Variants in MAP2K6 observed in about 807,000 individuals in gnomAD.
MAP2K6 encodes mitogen-activated protein kinase kinase 6, also known as dual specificity mitogen-activated protein kinase kinase 6.
In MAP2K6, 16 loss-of-function variants were observed where a neutral mutation model predicts 53.7. The ratio of observed to expected loss-of-function variants is 0.30; its 90% CI spans 0.20 to 0.45. The LOEUF (loss-of-function observed/expected upper bound fraction) is 0.45, where lower values mean the gene tolerates loss of function less well. Ranked by LOEUF, MAP2K6 falls within the 20% of genes least tolerant of loss-of-function variation. The pLI, the probability that MAP2K6 is intolerant of heterozygous loss-of-function variation, is 1.00. For missense variants in MAP2K6, 204 were observed against 411.9 expected (o/e 0.50, Z 4.37); for synonymous variants, 132 against 143.1 (o/e 0.92, Z 0.55).
At position 69,505,859 on chromosome 17, in the gene MAP2K6, G is replaced by A; in HGVS notation, c.83+13G>A. 2 of 1,610,786 alleles carry A rather than the reference G, an allele frequency of 1.2e-6. No homozygotes were observed. Among genetic ancestry groups the A allele is most frequent in the South Asian group, 1.1e-5 (1 of 90,930 alleles). On this transcript the variant is annotated intron_variant, in intron 2 of 11. Coordinates refer to ENST00000590474, the MANE Select transcript of MAP2K6 (RefSeq NM_002758.4). The stretch of plus-strand genomic sequence containing the variant: ...AGACCAGTTCCACGTAAGTTGACAA[G>A]ACCATCATCTGAATCCAAATCCTTG...
intron 2 of MAP2K6, among the ~76,000 whole-genome samples, chr17:69,509,877 T>C (rs1206324981): frequency 6.6e-5 from 10 of 152,148 alleles, no homozygotes; most frequent in Admixed American, 6.5e-4. Context: ...GGTCTCACTC[T>C]GTCACCCAGG....
At chr17:69,485,507 C>A in intron 1 of MAP2K6, 1 of 967,188 alleles carries the variant, frequency 1.0e-6, no homozygotes, top group Non-Finnish European at 1.2e-6. Context: ...TTTGAAACTA[C>A]GGGAACTCCT....
chr17:69,470,639 A>G (rs1327070688), intron 1 of MAP2K6, among the ~76,000 whole-genome samples: 2 of 152,256 alleles, frequency 1.3e-5, no homozygotes, highest in Non-Finnish European at 2.9e-5. Flanking sequence ...TATTTTGTCA[A>G]TGAAGTATGA....
intron 10 of MAP2K6, among the ~76,000 whole-genome samples, chr17:69,528,013 G>A (rs1336929542): frequency 2.0e-5 from 3 of 146,890 alleles, no homozygotes; most frequent in Non-Finnish European, 4.4e-5. Flanking sequence ...GGAGGCTGAG[G>A]CAGGAGAACC....
At chr17:69,537,473 A>C (rs970886810) in intron 11 of MAP2K6, among the ~76,000 whole-genome samples, 15 of 152,112 alleles carry the variant, frequency 9.9e-5, no homozygotes, top group Non-Finnish European at 1.8e-4. Flanking sequence ...TTCAAGACCA[A>C]CTCAGGGCAT....
At chr17:69,427,818 A>G (rs1906321665) in intron 1 of MAP2K6, among the ~76,000 whole-genome samples, 1 of 152,190 alleles carries the variant, frequency 6.6e-6, no homozygotes, top group Non-Finnish European at 1.5e-5. Flanking sequence ...ATGAGCCTCT[A>G]TTTTTGTAAG....
chr17:69,466,551 G>C (rs74895439), intron 1 of MAP2K6, among the ~76,000 whole-genome samples: 1 of 152,250 alleles, frequency 6.6e-6, no homozygotes, highest in African/African-American at 2.4e-5. Flanking sequence ...TCAAGCCATC[G>C]GCACTGCATC....
At chr17:69,448,563 G>A (rs1176856689) in intron 1 of MAP2K6, among the ~76,000 whole-genome samples, 1 of 151,936 alleles carries the variant, frequency 6.6e-6, no homozygotes, top group Non-Finnish European at 1.5e-5. Context: ...AGCCGGCCCT[G>A]GCCAGGGCTC....
chr17:69,422,372 T>G (rs1448581082), intron 1 of MAP2K6, among the ~76,000 whole-genome samples: 1 of 152,094 alleles, frequency 6.6e-6, no homozygotes, highest in Non-Finnish European at 1.5e-5. Flanking sequence ...CCTCAGGTGA[T>G]CCACCCACCT....
chr17:69,463,675 T>C (rs931901941), intron 1 of MAP2K6, among the ~76,000 whole-genome samples: 2 of 151,312 alleles, frequency 1.3e-5, no homozygotes, highest in South Asian at 2.1e-4. Flanking sequence ...TATATGTATA[T>C]ACACACACAC....
chr17:69,433,006 G>GGTTC (rs1906515581), intron 1 of MAP2K6: 1 of 152,176 alleles, frequency 6.6e-6, no homozygotes, highest in Non-Finnish European at 1.5e-5. Context: ...CAATGCTCTT[G>GGTTC]AACCAAGAGA....
intron 1 of MAP2K6, chr17:69,434,448 A>G (rs1598259921): frequency 6.6e-6 from 1 of 152,158 alleles, no homozygotes; most frequent in South Asian, 2.1e-4. Flanking sequence ...GCTCACTCAC[A>G]TTTGAGTGCC....
intron 1 of MAP2K6, among the ~76,000 whole-genome samples, chr17:69,481,684 C>CTG (rs1326074256): frequency 1.3e-5 from 2 of 151,974 alleles, no homozygotes; most frequent in Non-Finnish European, 2.9e-5. Flanking sequence ...ATGATCTTTC[C>CTG]TGTGTGTGTG....
At chr17:69,483,236 T>TA (rs1908411841) in intron 1 of MAP2K6, among the ~76,000 whole-genome samples, 1 of 151,930 alleles carries the variant, frequency 6.6e-6, no homozygotes. Context: ...TATTAGCACT[T>TA]ACAAGCAAGT....
In MAP2K6 at chr17:69,494,898, G is replaced by A. The variant is rs1908886143; in HGVS notation, c.17-10882G>A. 6.6e-6 allele frequency among the ~76,000 whole-genome samples: 1 copy of A among 151,862 alleles called. No individual in the cohort carries two copies. Among genetic ancestry groups the A allele is most frequent in the Non-Finnish European group, 1.5e-5 (1 of 67,970 alleles). ...CGCACTTCTGTAATCCCAGCTACTC[G>A]GGAGGCTGAGATAGGAGCATCGCTT... On this transcript the variant is annotated intron_variant, in intron 1 of 11. Coordinates refer to ENST00000590474, the MANE Select transcript of MAP2K6 (RefSeq NM_002758.4). The surrounding 1 kb of genome is among the most constrained non-coding windows in gnomAD (Gnocchi z 4.2).
chr17:69,469,650 C>G (rs1359753269), intron 1 of MAP2K6, among the ~76,000 whole-genome samples: 2 of 151,978 alleles, frequency 1.3e-5, no homozygotes, highest in African/African-American at 4.8e-5. Flanking sequence ...GTAATCCCAG[C>G]TATTTGGGAG....
At chr17:69,433,093 G>A (rs1263885739) in intron 1 of MAP2K6, 1 of 152,210 alleles carries the variant, frequency 6.6e-6, no homozygotes, top group South Asian at 2.1e-4. Context: ...TGTGACAGTT[G>A]CCCAATGATA....
chr17:69,533,180 C>G (rs902312929), intron 10 of MAP2K6, among the ~76,000 whole-genome samples: 6 of 152,096 alleles, frequency 3.9e-5, no homozygotes, highest in African/African-American at 1.2e-4. Flanking sequence ...CTCAAGTGAT[C>G]CACCTGTCTC....
At chr17:69,509,362 T>A (rs1909692807) in intron 2 of MAP2K6, among the ~76,000 whole-genome samples, 3 of 152,330 alleles carry the variant, frequency 2.0e-5, no homozygotes, top group African/African-American at 7.2e-5. Flanking sequence ...AAATTTTAAG[T>A]GGAATTTGAT....
Sources: gnomAD v4.1 joint callset for allele counts (sites outside exome capture counted in the v4.1 genomes callset) on GRCh38, gnomAD v4.1.1 for gene constraint, Gnocchi (gnomAD v3.1) non-coding constraint, MANE v1.5 for transcripts, NCBI Gene and HGNC (gene_info 2026-07-23, HGNC 2026-07-21) for gene names.